The following GATD1 variants were observed in gnomAD, a reference collection of about 807,000 sequenced individuals.
GATD1 encodes the protein glutamine amidotransferase class 1 domain containing 1.
In GATD1, 23 loss-of-function variants were observed where a neutral mutation model predicts 25.9. The observed-to-expected ratio is 0.89, with a 90% CI of 0.64 to 1.26. The LOEUF is 1.26. GATD1 is among the 50% of genes most tolerant of loss of function. GATD1 has a pLI of 0.00. For missense variants in GATD1, 347 were observed against 312.5 expected (o/e 1.11, Z -0.83); for synonymous variants, 177 against 134.6 (o/e 1.31, Z -2.18).
rs373616409 is a variant in GATD1, at chr11:774,020, C to T, written c.235G>A (p.Glu79Lys). 85 of 1,613,506 alleles carry T rather than the reference C, an allele frequency of 5.3e-5. No homozygotes were observed. The highest frequency in any genetic ancestry group is 6.3e-5 in the Non-Finnish European group (74 of 1,179,992). Residue 79 changes from glutamate (E) to lysine (K), a missense_variant, in exon 3 of 8, where the codon GAG becomes AAG. Physicochemically the swap from Glu to Lys is moderately conservative, Grantham distance 56 (BLOSUM62 1). Coordinates refer to ENST00000319863, the MANE Select transcript of GATD1 (RefSeq NM_182612.4). ...GTCCCGGGCCTACCATCGATGGACT[C>T]GAGCTTGGCGGGGCTGGCGTAAGCC... The part of the protein sequence containing the change: ...LKAYASPAKL[E>K]SIDGARYHAL...
chr11:770,312 A>G lies in GATD1; in HGVS notation c.*585T>C. ...GACAGGGTGCATCACTGAGGTGCTT[A>G]CACTTTGAAACCACACGCCAGGAAG... On this transcript the variant is annotated 3_prime_UTR_variant, in exon 8 of 8. Coordinates refer to ENST00000319863, the MANE Select transcript of GATD1 (RefSeq NM_182612.4). The G allele has an allele frequency of 6.5e-7, 1 of 1,531,820 alleles. No individual in the cohort carries two copies. The highest frequency in any genetic ancestry group is 8.7e-7 in the Non-Finnish European group (1 of 1,144,888). The allele number at this position is 1,531,820 out of a possible 1,614,324, so 94.9% of individuals were successfully genotyped here. A position where few individuals can be genotyped will look rare whatever the true frequency, so the allele number is the denominator to read the frequency against.
chr11:775,466 G>C (rs539255091), intron 1 of GATD1, among the ~76,000 whole-genome samples: 17 of 152,318 alleles, frequency 1.1e-4, no homozygotes, highest in African/African-American at 3.8e-4. Context: ...CAGAAGCTGG[G>C]AGAGGATGCA....
At position 770,732 on chromosome 11, in the gene GATD1, C is replaced by A. The variant is rs77965970; in HGVS notation, c.*165G>T. 33 of 1,481,926 alleles carry A rather than the reference C, an allele frequency of 2.2e-5. No individual in the cohort carries two copies. The East Asian group carries it at 7.7e-4, about 34-fold the overall frequency. 91.8% of individuals were successfully genotyped at this position (1,481,926 alleles called of 1,614,324 possible). A position where few individuals can be genotyped will look rare whatever the true frequency, so the allele number is the denominator to read the frequency against. Reference sequence around the variant, plus strand: ...GGACCCTCCAGGAGAGCCGACACCCCCTCAGAGCTGATTCCAGGAGGCCTC... The same window carrying A: ...GGACCCTCCAGGAGAGCCGACACCCACTCAGAGCTGATTCCAGGAGGCCTC... On this transcript the variant is annotated 3_prime_UTR_variant, in exon 8 of 8. Coordinates refer to ENST00000319863, the MANE Select transcript of GATD1 (RefSeq NM_182612.4).
At chr11:774,253 C>T (rs1055125643) in intron 2 of GATD1, 140 bp from the exon 3 acceptor site, 13 of 666,336 alleles carry the variant, frequency 2.0e-5, no homozygotes, top group African/African-American at 1.3e-4. Context: ...GCCTCCTTCA[C>T]GGGATCTCCC....
At position 767,439 on chromosome 11, in the gene GATD1, G is replaced by A. The variant is rs543511353; in HGVS notation, c.*3458C>T. Reference sequence around the variant, plus strand: ...AGCCAGAGGCCTCGCACGCAGCTGAGGAATGACGCAGGGGCCTGCAGGCAG... The same window carrying A: ...AGCCAGAGGCCTCGCACGCAGCTGAAGAATGACGCAGGGGCCTGCAGGCAG... On this transcript the variant is annotated 3_prime_UTR_variant, in exon 8 of 8. Transcript: ENST00000319863. The A allele has an allele frequency of 1.1e-3, 1,637 of 1,498,226 alleles. 2 individuals carry two copies. Among genetic ancestry groups the A allele is most frequent in the Non-Finnish European group, 1.3e-3 (1,445 of 1,129,152 alleles). The allele number at this position is 1,498,226 out of a possible 1,614,324, so 92.8% of individuals were successfully genotyped here.
At chr11:774,912 C>T (rs762121857) in intron 2 of GATD1, among the ~76,000 whole-genome samples, 154 bp downstream of exon 2, 4 of 152,116 alleles carry the variant, frequency 2.6e-5, no homozygotes, top group South Asian at 4.1e-4. Context: ...GACAGGGGGA[C>T]GCCACCAGGG....
rs116476510 is a variant in GATD1 at position 767,630 on chromosome 11, G to C, written c.*3267C>G. 1 of 1,331,882 alleles carries C rather than the reference G, an allele frequency of 7.5e-7. No homozygotes were observed. Among genetic ancestry groups the C allele is most frequent in the African/African-American group, 1.5e-5 (1 of 67,702 alleles). 82.5% of individuals were successfully genotyped at this position (1,331,882 alleles called of 1,614,324 possible). On this transcript the variant is annotated 3_prime_UTR_variant, in exon 8 of 8. Transcript: ENST00000319863. ...ATGCACCCTGCTGTGGCCTGAGCAC[G>C]TCCCCCCAAAACCCACCTGCTTAAG...
At position 771,035 on chromosome 11, in the gene GATD1, G is replaced by A. The variant is rs1385968949; in HGVS notation, c.614C>T (p.Thr205Ile). The change falls in exon 7 of 8, where the codon ACT becomes ATT. Residue 205 changes from threonine (T) to isoleucine (I), a missense_variant. By Grantham distance (89) the Thr-to-Ile change is moderately conservative. Transcript: ENST00000319863. ...GAGCAGGTTCTGCACGGCCGGGACA[G>A]TGGAGCTGGCATTCTGGCCTGTGAC... is the stretch of plus-strand genomic sequence containing the variant. ...HLVTGQNASS[T>I]VPAVQNLLFL... The A allele has an allele frequency of 6.2e-7, 1 of 1,612,796 alleles. No homozygotes were observed. The highest frequency in any genetic ancestry group is 2.2e-5 in the East Asian group (1 of 44,880).
chr11:769,933 A>G lies in GATD1; in HGVS notation c.*964T>C, dbSNP rs1476029823. On this transcript the variant is annotated 3_prime_UTR_variant, in exon 8 of 8. Transcript: ENST00000319863. ...GCCCGGCCCAACTGAACGGTTTTAT[A>G]ATCACAAGGGGCCTCCTGGCAGGTC... The G allele has an allele frequency of 1.0e-6, 1 of 997,406 alleles. No homozygotes were observed. The highest frequency in any genetic ancestry group is 1.7e-5 in the African/African-American group (1 of 57,714). 61.8% of individuals were successfully genotyped at this position (997,406 alleles called of 1,614,324 possible). A position where few individuals can be genotyped will look rare whatever the true frequency, so the allele number is the denominator to read the frequency against.
chr11:773,484 AC>A, intron 4 of GATD1, 37 bp downstream of exon 4: 1 of 1,528,142 alleles, frequency 6.5e-7, no homozygotes. Flanking sequence ...GTGACACTGC[AC>A]ATCCAACCCC....
Position 777,429 on chromosome 11 carries a change from A to AG in GATD1, c.33dup (p.Cys12LeufsTer47). The AG allele has an allele frequency of 7.8e-7, 1 of 1,280,002 alleles. No individual in the cohort carries two copies. The highest frequency in any genetic ancestry group is 9.9e-7 in the Non-Finnish European group (1 of 1,012,700). 79.3% of individuals were successfully genotyped at this position (1,280,002 alleles called of 1,614,324 possible). On this transcript the variant is annotated frameshift_variant, in exon 1 of 8. Coordinates refer to ENST00000319863, the MANE Select transcript of GATD1 (RefSeq NM_182612.4). LOFTEE classifies it high-confidence loss of function. ...GCGGCGCCGCTGGCCACGAGCAGACAGGCGGGCCTGTTAGGGAGCCGCTCG... is the reference window on the plus strand; with the variant it reads ...GCGGCGCCGCTGGCCACGAGCAGACAGGGCGGGCCTGTTAGGGAGCCGCTCG...
chr11:770,757 C>A lies in GATD1; in HGVS notation c.*140G>T. 1 of 1,506,652 alleles carries A rather than the reference C, an allele frequency of 6.6e-7. No homozygotes were observed. The highest frequency in any genetic ancestry group is 1.4e-5 in the African/African-American group (1 of 71,808). The allele number at this position is 1,506,652 out of a possible 1,614,324, so 93.3% of individuals were successfully genotyped here. On this transcript the variant is annotated 3_prime_UTR_variant, in exon 8 of 8. Coordinates refer to ENST00000319863, the MANE Select transcript of GATD1 (RefSeq NM_182612.4). ...CCTCAGAGCTGATTCCAGGAGGCCT[C>A]CAACAATCCCATCAGGGCCAGACCA... is the stretch of plus-strand genomic sequence containing the variant.
intron 4 of GATD1, among the ~76,000 whole-genome samples, chr11:772,896 C>T (rs1008104389): frequency 6.6e-6 from 1 of 152,220 alleles, no homozygotes; most frequent in African/African-American, 2.4e-5. Flanking sequence ...CCCTCCCCGG[C>T]TAGACAGGAC....
At chr11:777,336 C>T (rs1864105695) in intron 1 of GATD1, 63 bp downstream of exon 1, 2 of 1,199,826 alleles carry the variant, frequency 1.7e-6, no homozygotes, top group Non-Finnish European at 2.1e-6. Flanking sequence ...TCCCGAACCT[C>T]CCGCCCCGGG....
intron 3 of GATD1, 30 bp from the exon 4 acceptor site, chr11:773,659 C>T: frequency 6.5e-7 from 1 of 1,537,168 alleles, no homozygotes; most frequent in Non-Finnish European, 8.9e-7. Context: ...CAGGTAGCAG[C>T]CACATGTCAA....
chr11:774,287 A>G (rs1366698403), intron 2 of GATD1, among the ~76,000 whole-genome samples, 174 bp from the exon 3 acceptor site: 4 of 152,270 alleles, frequency 2.6e-5, no homozygotes, highest in African/African-American at 9.6e-5. Flanking sequence ...CTGTCCCAGC[A>G]GCAGCCTCAG....
Position 770,685 on chromosome 11 carries a change from A to C in GATD1, c.*212T>G. On this transcript the variant is annotated 3_prime_UTR_variant, in exon 8 of 8. Coordinates refer to ENST00000319863, the MANE Select transcript of GATD1 (RefSeq NM_182612.4). ...TCTTTTCTCTGCCTCCTACCAGAGA[A>C]CATGCAGGAGGATGGGGGTTTGGAC... 1 of 1,425,872 alleles carries C rather than the reference A, an allele frequency of 7.0e-7. No individual in the cohort carries two copies. Among genetic ancestry groups the C allele is most frequent in the Non-Finnish European group, 9.1e-7 (1 of 1,093,774 alleles). 88.3% of individuals were successfully genotyped at this position (1,425,872 alleles called of 1,614,324 possible).
intron 4 of GATD1, 83 bp downstream of exon 4, chr11:773,439 C>T: frequency 1.7e-6 from 2 of 1,181,270 alleles, no homozygotes; most frequent in Admixed American, 2.3e-5. Flanking sequence ...TGGAGTCTTC[C>T]CACCTCTCTT....
In GATD1 at chr11:767,651, T is replaced by C; in HGVS notation, c.*3246A>G. On this transcript the variant is annotated 3_prime_UTR_variant, in exon 8 of 8. Coordinates refer to ENST00000319863, the MANE Select transcript of GATD1 (RefSeq NM_182612.4). ...GCACGTCCCCCCAAAACCCACCTGC[T>C]TAAGTCCTCACCTGCAAGGGGATGG... 1.2e-5 allele frequency: 15 copies of C among 1,275,106 alleles called. No homozygotes were observed. The highest frequency in any genetic ancestry group is 3.9e-5 in the Admixed American group (1 of 25,478). 79.0% of individuals were successfully genotyped at this position (1,275,106 alleles called of 1,614,324 possible).
Sources: gnomAD v4.1 joint callset for allele counts (sites outside exome capture counted in the v4.1 genomes callset) on GRCh38, gnomAD v4.1.1 for gene constraint, MANE v1.5 for transcripts, NCBI Gene and HGNC (gene_info 2026-07-23, HGNC 2026-07-21) for gene names.